DLG2: variants seen among roughly 807,000 people sequenced by gnomAD.
DLG2 encodes the protein disks large homolog 2.
Under a neutral mutation model 132.5 loss-of-function variants are expected in DLG2, and 45 were observed. The observed-to-expected ratio is 0.34, with a 90% confidence interval of 0.27 to 0.44. DLG2 has a LOEUF of 0.44. DLG2 is among the 20% of genes least tolerant of loss of function. DLG2 has a pLI of 1.00. For synonymous variants in DLG2, 424 were observed against 419.6 expected, an observed-to-expected ratio of 1.01 and a Z score of -0.13; for missense variants, 1,045 against 1,196.9, an observed-to-expected ratio of 0.87 and a Z score of 1.87.
chr11:85,072,474 A>G (rs1283546297), intron 6 of DLG2, among the ~76,000 whole-genome samples: 2 of 151,858 alleles, frequency 1.3e-5, no homozygotes, highest in Non-Finnish European at 2.9e-5. Flanking sequence ...CAGCAACTAT[A>G]TTTTGAGAAA....
intron 6 of DLG2, among the ~76,000 whole-genome samples, chr11:84,874,051 C>G (rs1381131792): frequency 6.6e-6 from 1 of 152,178 alleles, no homozygotes; most frequent in African/African-American, 2.4e-5. Context: ...ACTAAACCCT[C>G]ACATCTTTTG....
intron 6 of DLG2, among the ~76,000 whole-genome samples, chr11:84,725,148 G>C (rs1344493291): frequency 6.6e-6 from 1 of 152,118 alleles, no homozygotes; most frequent in Admixed American, 6.6e-5. Flanking sequence ...CTGAAGCCAA[G>C]CCACCTGATT....
At chr11:84,273,307 A>G (rs1205233543) in intron 7 of DLG2, 9 of 234,976 alleles carry the variant, frequency 3.8e-5, no homozygotes, top group South Asian at 1.7e-4. Flanking sequence ...GTTGAAGAGG[A>G]AAAAAAAAAA....
chr11:84,605,016 A>G (rs1468648350), intron 6 of DLG2, among the ~76,000 whole-genome samples: 1 of 151,914 alleles, frequency 6.6e-6, no homozygotes, highest in African/African-American at 2.4e-5. Context: ...AATGAGATAG[A>G]AGTTACTGTT....
intron 4 of DLG2, among the ~76,000 whole-genome samples, chr11:85,264,385 T>G (rs1345367188): frequency 6.6e-6 from 1 of 152,158 alleles, no homozygotes; most frequent in Non-Finnish European, 1.5e-5. Flanking sequence ...ATACTTTCCT[T>G]TTCTTTGGCA....
intron 9 of DLG2, among the ~76,000 whole-genome samples, chr11:84,115,891 C>G (rs2154196576): frequency 6.6e-6 from 1 of 152,344 alleles, no homozygotes; most frequent in East Asian, 1.9e-4. Context: ...ACCTTTCTGT[C>G]ATTTTCACCA....
chr11:84,609,018 A>C (rs781605743), intron 6 of DLG2, among the ~76,000 whole-genome samples: 1 of 152,224 alleles, frequency 6.6e-6, no homozygotes, highest in Non-Finnish European at 1.5e-5. Context: ...GTTTGGCTCC[A>C]GAATCTCTGT....
At chr11:84,924,281 T>C (rs796290436) in intron 6 of DLG2, among the ~76,000 whole-genome samples, 3 of 152,230 alleles carry the variant, frequency 2.0e-5, no homozygotes, top group African/African-American at 7.2e-5. Context: ...TAAAGCTATC[T>C]GGCAAAATGC....
At chr11:85,084,561 G>C (rs180922316) in intron 6 of DLG2, among the ~76,000 whole-genome samples, 12 of 151,838 alleles carry the variant, frequency 7.9e-5, no homozygotes, top group Admixed American at 7.9e-4. Context: ...CCCCTGATAT[G>C]AGTAGTATCA....
rs60233165 is a variant in DLG2 at position 84,359,426 on chromosome 11, G to A, written c.520-108135C>T. 9.4e-3 allele frequency among the ~76,000 whole-genome samples: 1,434 copies of A among 151,892 alleles called. 23 individuals are homozygous for A. Among genetic ancestry groups the A allele is most frequent in the African/African-American group, 0.032 (1,338 of 41,458 alleles). On this transcript the variant is annotated intron_variant, in intron 7 of 27. Coordinates refer to ENST00000376104, the MANE Select transcript of DLG2 (RefSeq NM_001142699.3). ...ATTGGTTGGCTTAAAATTCATTAAT[G>A]TTGCCCTGAAAATATAAAAGAGTTA... is the stretch of plus-strand genomic sequence containing the variant.
intron 6 of DLG2, among the ~76,000 whole-genome samples, chr11:84,985,161 A>C (rs1566577990): frequency 6.6e-6 from 1 of 152,164 alleles, no homozygotes; most frequent in Non-Finnish European, 1.5e-5. Flanking sequence ...TTACCCAATA[A>C]CTGCAGAATA....
At chr11:83,881,918 AG>A in intron 15 of DLG2, among the ~76,000 whole-genome samples, 1 of 152,330 alleles carries the variant, frequency 6.6e-6, no homozygotes, top group Non-Finnish European at 1.5e-5. Flanking sequence ...TCTAAAAAAA[AG>A]TATGTATTAA....
chr11:85,439,800 A>G (rs1387410666), intron 3 of DLG2, among the ~76,000 whole-genome samples: 14 of 152,222 alleles, frequency 9.2e-5, no homozygotes. Context: ...ATTGCATATT[A>G]AAGAGCCTTA....
intron 4 of DLG2, among the ~76,000 whole-genome samples, chr11:85,268,328 C>G (rs774807609): frequency 6.6e-6 from 1 of 152,184 alleles, no homozygotes; most frequent in African/African-American, 2.4e-5. Flanking sequence ...CCATTAGTCT[C>G]TCACATATCT....
intron 6 of DLG2, among the ~76,000 whole-genome samples, chr11:84,675,263 C>T (rs565652754): frequency 2.0e-5 from 3 of 152,074 alleles, no homozygotes; most frequent in Non-Finnish European, 2.9e-5. Flanking sequence ...ATGGAAATAG[C>T]CTCTTCAGAT....
intron 6 of DLG2, among the ~76,000 whole-genome samples, chr11:84,975,397 A>T (rs2054750046): frequency 6.6e-6 from 1 of 152,156 alleles, no homozygotes. Context: ...GAATGGGGAA[A>T]ACTTAGCCGA....
intron 7 of DLG2, among the ~76,000 whole-genome samples, chr11:84,357,616 A>G (rs2154417995): frequency 6.6e-6 from 1 of 152,136 alleles, no homozygotes; most frequent in South Asian, 2.1e-4. Flanking sequence ...CTAAAAGTAG[A>G]GGGGGCAGAA....
intron 3 of DLG2, among the ~76,000 whole-genome samples, chr11:85,432,039 T>C (rs933598695): frequency 2.0e-5 from 3 of 152,186 alleles, no homozygotes; most frequent in Non-Finnish European, 4.4e-5. Context: ...GAATAGGGCC[T>C]GGAGCGAACT....
At chr11:84,512,058 C>T (rs1040920385) in intron 7 of DLG2, among the ~76,000 whole-genome samples, 2 of 152,132 alleles carry the variant, frequency 1.3e-5, no homozygotes, top group Admixed American at 6.6e-5. Flanking sequence ...TACAAGTCTA[C>T]TACCCTATTT....
Sources: gnomAD v4.1 joint callset for allele counts (sites outside exome capture counted in the v4.1 genomes callset) on GRCh38, gnomAD v4.1.1 for gene constraint, MANE v1.5 for transcripts, NCBI Gene and HGNC (gene_info 2026-07-23, HGNC 2026-07-21) for gene names.